The following CTNNA3 variants were observed in gnomAD, a reference collection of about 807,000 sequenced individuals.
CTNNA3 encodes the protein catenin alpha-3.
Under a neutral mutation model 95.7 loss-of-function variants are expected in CTNNA3, and 76 were observed. The ratio of observed to expected loss-of-function variants is 0.79; its 90% CI spans 0.66 to 0.96. The LOEUF (loss-of-function observed/expected upper bound fraction) is 0.96, where lower values mean the gene tolerates loss of function less well. CTNNA3 is among the 40% of genes least tolerant of loss of function. CTNNA3 has a pLI of 0.00. For synonymous variants in CTNNA3, 431 were observed against 374.4 expected, an observed-to-expected ratio of 1.15 and a Z score of -1.74; for missense variants, 1,191 against 1,089.8, an observed-to-expected ratio of 1.09 and a Z score of -1.31.
chr10:66,951,088 T>TACACACACACACACACAC (rs3056558), intron 7 of CTNNA3, among the ~76,000 whole-genome samples: 1 of 146,066 alleles, frequency 6.8e-6, no homozygotes, highest in East Asian at 2.0e-4. Context: ...TAACATTAAA[T>TACACACACACACACACAC]ACACACACAC....
At chr10:67,564,303 C>G (rs1265265906) in intron 3 of CTNNA3, among the ~76,000 whole-genome samples, 6 of 149,846 alleles carry the variant, frequency 4.0e-5, no homozygotes, top group Non-Finnish European at 3.0e-5. Flanking sequence ...CCATGGAATA[C>G]TATGCAGTCA....
Position 66,825,452 on chromosome 10 carries a change from T to A in CTNNA3, c.1048-49928A>T, listed in dbSNP as rs185193558. Among the ~76,000 whole-genome samples, 41 of 151,668 alleles carry A rather than the reference T, an allele frequency of 2.7e-4. No homozygotes were observed. In the East Asian group the frequency reaches 7.6e-3, roughly 28 times the overall value. On this transcript the variant is annotated intron_variant, in intron 7 of 17. Transcript: ENST00000433211. ...CACCACACCCGGCTAATTTTGGTAT[T>A]TTTAGTAGAGATGGAGTTTTGCTTT...
chr10:66,982,920 T>C (rs574143425), intron 7 of CTNNA3, among the ~76,000 whole-genome samples: 3 of 152,084 alleles, frequency 2.0e-5, no homozygotes, highest in Non-Finnish European at 4.4e-5. Context: ...CAATGCAAGC[T>C]ACATCTTAAG....
chr10:67,298,514 T>C (rs975314550), intron 5 of CTNNA3, among the ~76,000 whole-genome samples: 8 of 152,230 alleles, frequency 5.3e-5, no homozygotes, highest in African/African-American at 1.7e-4. Context: ...GTTACTATAG[T>C]ACTTGCTTCT....
At chr10:67,270,130 C>CA (rs201216673) in intron 5 of CTNNA3, among the ~76,000 whole-genome samples, 13,859 of 100,436 alleles carry the variant, frequency 0.14, 739 homozygotes, top group Middle Eastern at 0.23. Context: ...CAGTATTTGT[C>CA]AAAAAAAAAA....
chr10:66,864,685 A>C lies in CTNNA3; in HGVS notation c.1048-89161T>G, dbSNP rs141710332. 6.4e-3 allele frequency among the ~76,000 whole-genome samples: 973 copies of C among 152,266 alleles called. 11 individuals are homozygous for C. The highest frequency in any genetic ancestry group is 0.022 in the African/African-American group (927 of 41,564). On this transcript the variant is annotated intron_variant, in intron 7 of 17. Transcript: ENST00000433211. Reference sequence around the variant, plus strand: ...TATTTTGGTTTCATTATCTATAAAAAAAAAGTTTCTATTTTGCAACATTGC... The same window carrying C: ...TATTTTGGTTTCATTATCTATAAAACAAAAGTTTCTATTTTGCAACATTGC...
At chr10:66,597,564 A>C (rs1342986931) in intron 10 of CTNNA3, among the ~76,000 whole-genome samples, 1 of 138,668 alleles carries the variant, frequency 7.2e-6, no homozygotes, top group African/African-American at 2.6e-5. Context: ...ATTTATTAAA[A>C]ATTTTAAAAA....
intron 7 of CTNNA3, among the ~76,000 whole-genome samples, chr10:67,055,416 C>T (rs915888683): frequency 7.8e-6 from 1 of 128,816 alleles, no homozygotes; most frequent in African/African-American, 2.9e-5. Context: ...CACAACAGAA[C>T]TTTACACAGT....
At position 67,718,988 on chromosome 10, in the gene CTNNA3, A is replaced by G. The variant is rs186548176; in HGVS notation, c.-2+44446T>C. ...TACTGCCTCAATTTCAGAACTTGTT[A>G]TTGGTCTATTCAGGGATTCAACTTC... On this transcript the variant is annotated intron_variant, in intron 1 of 17. Coordinates refer to the CTNNA3 transcript ENST00000684154. 5.9e-4 allele frequency among the ~76,000 whole-genome samples: 90 copies of G among 152,178 alleles called. 2 individuals are homozygous for G. The highest frequency in any genetic ancestry group is 2.1e-3 in the African/African-American group (86 of 41,528).
intron 5 of CTNNA3, among the ~76,000 whole-genome samples, chr10:67,511,974 T>G (rs999531615): frequency 2.0e-5 from 3 of 152,242 alleles, no homozygotes; most frequent in African/African-American, 7.2e-5. Flanking sequence ...TTTTCTAGTT[T>G]ATTTGCGTAG....
intron 5 of CTNNA3, among the ~76,000 whole-genome samples, chr10:67,507,077 C>A (rs150969411): frequency 1.3e-5 from 2 of 152,048 alleles, no homozygotes; most frequent in African/African-American, 4.8e-5. Flanking sequence ...AGAAGTGATA[C>A]CACAGAAATA....
intron 13 of CTNNA3, among the ~76,000 whole-genome samples, chr10:66,153,780 C>G (rs889052290): frequency 2.0e-5 from 3 of 151,546 alleles, no homozygotes; most frequent in African/African-American, 7.3e-5. Context: ...AAAACGTATC[C>G]TATGCTGGTC....
chr10:67,698,996 C>T (rs944335064), upstream of CTNNA3, among the ~76,000 whole-genome samples: 34 of 152,044 alleles, frequency 2.2e-4, no homozygotes, highest in African/African-American at 6.5e-4. Context: ...CCACTAACAC[C>T]GAGCCTCATC....
chr10:65,947,435 A>T (rs1363039600), intron 17 of CTNNA3, among the ~76,000 whole-genome samples: 2 of 152,182 alleles, frequency 1.3e-5, no homozygotes, highest in Non-Finnish European at 2.9e-5. Context: ...ACTATTATTA[A>T]TAATAATAAT....
intron 11 of CTNNA3, among the ~76,000 whole-genome samples, chr10:66,393,014 G>A (rs1224963833): frequency 6.6e-6 from 1 of 152,100 alleles, no homozygotes. Flanking sequence ...TTCAGTAGAT[G>A]AATGGATAAA....
intron 13 of CTNNA3, among the ~76,000 whole-genome samples, chr10:66,160,930 A>G (rs577413916): frequency 6.6e-6 from 1 of 152,262 alleles, no homozygotes; most frequent in South Asian, 2.1e-4. Flanking sequence ...ACCATTATAT[A>G]ATGTCCCTCT....
intron 15 of CTNNA3, among the ~76,000 whole-genome samples, chr10:66,062,107 G>A (rs1271102752): frequency 1.3e-5 from 2 of 152,060 alleles, no homozygotes; most frequent in Admixed American, 6.6e-5. Flanking sequence ...ATAAAATGGA[G>A]GGTATAATAA....
intron 1 of CTNNA3, among the ~76,000 whole-genome samples, chr10:67,650,026 A>G (rs953983846): frequency 6.6e-6 from 1 of 152,202 alleles, no homozygotes; most frequent in East Asian, 1.9e-4. Flanking sequence ...TTTAGTAGAG[A>G]CAGGGTTTCT....
chr10:66,431,053 G>GA (rs201197251), intron 11 of CTNNA3, among the ~76,000 whole-genome samples: 31,937 of 144,610 alleles, frequency 0.22, 3,857 homozygotes, highest in African/African-American at 0.32. Flanking sequence ...AAATTTACAA[G>GA]AAAAAAAAAA....
Sources: gnomAD v4.1 joint callset for allele counts (sites outside exome capture counted in the v4.1 genomes callset) on GRCh38, gnomAD v4.1.1 for gene constraint, MANE v1.5 for transcripts, NCBI Gene and HGNC (gene_info 2026-07-23, HGNC 2026-07-21) for gene names.